NR6A1: variants seen among roughly 807,000 people sequenced by gnomAD.
NR6A1 encodes the protein nuclear receptor subfamily 6 group A member 1.
Under a neutral mutation model 59.1 loss-of-function variants are expected in NR6A1, and 7 were observed. The ratio of observed to expected loss-of-function variants is 0.12; its 90% confidence interval spans 0.07 to 0.22. The LOEUF (loss-of-function observed/expected upper bound fraction) is 0.22, where lower values mean the gene tolerates loss of function less well. NR6A1 is among the 10% of genes least tolerant of loss of function. The pLI, the probability that NR6A1 is intolerant of heterozygous loss-of-function variation, is 1.00. For missense variants in NR6A1, 468 were observed against 611.6 expected, an observed-to-expected ratio of 0.77 and a Z score of 2.48; for synonymous variants, 243 against 236.1, an observed-to-expected ratio of 1.03 and a Z score of -0.27.
chr9:124,747,101 A>C (rs1840355368), intron 1 of NR6A1, among the ~76,000 whole-genome samples: 1 of 151,934 alleles, frequency 6.6e-6, no homozygotes, highest in Non-Finnish European at 1.5e-5. Flanking sequence ...AGCCATACAT[A>C]TCTTTTGGAT....
chr9:124,726,635 G>A (rs1351453891), intron 2 of NR6A1, among the ~76,000 whole-genome samples: 9 of 152,138 alleles, frequency 5.9e-5, no homozygotes, highest in Non-Finnish European at 2.9e-5. Context: ...CATCTAATTC[G>A]AGACCACTCA....
intron 2 of NR6A1, among the ~76,000 whole-genome samples, chr9:124,719,128 C>T (rs1023607371): frequency 1.3e-5 from 2 of 151,604 alleles, no homozygotes; most frequent in Non-Finnish European, 2.9e-5. Flanking sequence ...GAGACAGGGT[C>T]TCACTCTGTT....
intron 7 of NR6A1, among the ~76,000 whole-genome samples, chr9:124,534,057 C>CTAAGCATTA (rs925728177): frequency 2.0e-5 from 3 of 150,370 alleles, no homozygotes; most frequent in African/African-American, 7.4e-5. Flanking sequence ...TAAATACAAA[C>CTAAGCATTA]TAAGCATTAT....
intron 2 of NR6A1, chr9:124,599,673 T>C: frequency 9.8e-7 from 1 of 1,017,050 alleles, no homozygotes; most frequent in South Asian, 1.6e-5. Context: ...CCTCTGCGTC[T>C]GGCCATGAAG....
At chr9:124,608,540 T>C (rs1183627628) in intron 2 of NR6A1, among the ~76,000 whole-genome samples, 1 of 152,232 alleles carries the variant, frequency 6.6e-6, no homozygotes, top group East Asian at 1.9e-4. Context: ...ATCCAGTCTA[T>C]CATTCATGGG....
chr9:124,692,443 G>A (rs1306130746), intron 2 of NR6A1: 2 of 527,938 alleles, frequency 3.8e-6, no homozygotes, highest in African/African-American at 3.9e-5. Flanking sequence ...GGAGAATGAA[G>A]AAGGGCTATC....
intron 2 of NR6A1, among the ~76,000 whole-genome samples, chr9:124,568,169 C>CAAAA (rs34652433): frequency 0.013 from 382 of 30,440 alleles, 39 homozygotes; most frequent in African/African-American, 0.034. Context: ...TACTTCATCT[C>CAAAA]AAAAAAAAAA....
At position 124,752,558 on chromosome 9, in the gene NR6A1, A is replaced by G. The variant is rs113076168; in HGVS notation, c.100+18462T>C. On this transcript the variant is annotated intron_variant, in intron 1 of 9. Transcript: ENST00000487099. ...AATTGTCCTTTAATGCACTTGAGAT[A>G]ACATCTGTTTCAAAAACTGCTGGCA... Among the ~76,000 whole-genome samples, 788 of 152,286 alleles carry G rather than the reference A, an allele frequency of 5.2e-3. 5 individuals are homozygous for G. The highest frequency in any genetic ancestry group is 0.018 in the African/African-American group (761 of 41,558).
chr9:124,769,961 A>G (rs1283744288), intron 1 of NR6A1, among the ~76,000 whole-genome samples: 3 of 152,220 alleles, frequency 2.0e-5, no homozygotes, highest in Non-Finnish European at 2.9e-5. Context: ...TATCAAACAG[A>G]TACAAATAAA....
At chr9:124,657,996 A>G (rs1405106144) in intron 2 of NR6A1, among the ~76,000 whole-genome samples, 10 of 152,222 alleles carry the variant, frequency 6.6e-5, no homozygotes, top group Non-Finnish European at 1.3e-4. Flanking sequence ...TGGTCTGGAT[A>G]TGAAGCTTGG....
rs1405181805 is a variant in NR6A1 at position 124,520,981 on chromosome 9, A to G, written c.*1724T>C. ...ATTTCACCAGAAAGAAACAATTACA[A>G]TCAGACATGGACTACCCAGTATGCA... On this transcript the variant is annotated 3_prime_UTR_variant, in exon 10 of 10. Transcript: ENST00000487099. The G allele has an allele frequency of 1.3e-5, 2 of 152,214 alleles. No individual in the cohort carries two copies. Among genetic ancestry groups the G allele is most frequent in the Non-Finnish European group, 2.9e-5 (2 of 68,028 alleles). The allele number at this position is 152,214 out of a possible 1,614,324, so 9.4% of individuals were successfully genotyped here. A position where few individuals can be genotyped will look rare whatever the true frequency, so the allele number is the denominator to read the frequency against.
chr9:124,682,002 G>A (rs946946806), intron 2 of NR6A1, among the ~76,000 whole-genome samples: 1 of 151,284 alleles, frequency 6.6e-6, no homozygotes, highest in African/African-American at 2.4e-5. Context: ...TTTGTTTTTT[G>A]TTTTGTTTTG....
intron 2 of NR6A1, among the ~76,000 whole-genome samples, chr9:124,596,424 G>T (rs981481579): frequency 6.6e-6 from 1 of 152,070 alleles, no homozygotes; most frequent in Non-Finnish European, 1.5e-5. Context: ...TGTTTGCAGG[G>T]CTTACTTTAA....
chr9:124,764,479 CAG>C (rs3051119), intron 1 of NR6A1, among the ~76,000 whole-genome samples: 5,643 of 152,148 alleles, frequency 0.037, 331 homozygotes, highest in African/African-American at 0.13. Context: ...CTCTTATACA[CAG>C]ATCTAAAAAT....
At chr9:124,715,858 G>A (rs7030449) in intron 2 of NR6A1, among the ~76,000 whole-genome samples, 17,573 of 152,134 alleles carry the variant, frequency 0.12, 2,703 homozygotes, top group African/African-American at 0.34. Flanking sequence ...TTAATAGAAG[G>A]GAATATAGGG....
At chr9:124,743,125 A>C (rs1484527599) in intron 1 of NR6A1, among the ~76,000 whole-genome samples, 1 of 152,228 alleles carries the variant, frequency 6.6e-6, no homozygotes, top group Non-Finnish European at 1.5e-5. Context: ...CCTTACAGCC[A>C]TATCTGCAGC....
intron 2 of NR6A1, among the ~76,000 whole-genome samples, chr9:124,621,483 TAAAA>T (rs11366819): frequency 7.0e-6 from 1 of 143,442 alleles, no homozygotes; most frequent in Non-Finnish European, 1.5e-5. Context: ...CCAATATCTT[TAAAA>T]AAAAAAAAAA....
Position 124,522,741 on chromosome 9 carries a change from C to A in NR6A1, c.1407G>T (p.Val469=), listed in dbSNP as rs1246707310. The change falls in exon 10 of 10, where the codon GTG becomes GTT. Residue 469 remains valine (V), a synonymous_variant. Transcript: ENST00000487099. ...LEQLPLLFKV[V]LHSCKTSVGK... is the part of the protein sequence containing the mutation. The stretch of plus-strand genomic sequence containing the variant: ...CCACACTGGTCTTGCAGGAATGCAG[C>A]ACCACCTTAAAGAGGAGGGGCAGCT... 4 of 1,592,868 alleles carry A rather than the reference C, an allele frequency of 2.5e-6. No homozygotes were observed. In the Admixed American group the frequency reaches 6.9e-5, roughly 28 times the overall value.
intron 1 of NR6A1, among the ~76,000 whole-genome samples, chr9:124,745,873 C>A (rs1410305313): frequency 1.4e-5 from 2 of 146,640 alleles, no homozygotes; most frequent in Non-Finnish European, 3.0e-5. Context: ...ATTCTCCCTG[C>A]CTACTCAAGA....
Sources: allele counts gnomAD v4.1 joint callset (sites outside exome capture counted in the v4.1 genomes callset), GRCh38; gene constraint gnomAD v4.1.1; transcripts MANE v1.5; gene names NCBI Gene and HGNC (gene_info 2026-07-23, HGNC 2026-07-21).